TMTC4: variants seen among roughly 807,000 people sequenced by gnomAD.
TMTC4 encodes the protein transmembrane O-mannosyltransferase targeting cadherins 4.
Under a neutral mutation model 86.0 loss-of-function variants are expected in TMTC4, and 65 were observed. The ratio of observed to expected loss-of-function variants is 0.76; its 90% CI spans 0.62 to 0.93. The LOEUF (loss-of-function observed/expected upper bound fraction) is 0.93, where lower values mean the gene tolerates loss of function less well. TMTC4 is among the 40% of genes least tolerant of loss of function. The pLI, the probability that TMTC4 is intolerant of heterozygous loss-of-function variation, is 0.00. For missense variants in TMTC4, 866 were observed against 948.1 expected (o/e 0.91, Z 1.14); for synonymous variants, 379 against 382.5 (o/e 0.99, Z 0.11).
chr13:100,655,614 T>C (rs1972369), intron 6 of TMTC4, among the ~76,000 whole-genome samples: 107,151 of 152,010 alleles, frequency 0.7, 39,060 homozygotes, highest in East Asian at 0.99. Flanking sequence ...GGGGAGACCC[T>C]TACCCCAGGA....
At chr13:100,627,569 T>G (rs1037070567) in intron 12 of TMTC4, among the ~76,000 whole-genome samples, 1 of 152,184 alleles carries the variant, frequency 6.6e-6, no homozygotes, top group African/African-American at 2.4e-5. Flanking sequence ...TCTGTCTCCC[T>G]GTCTCTTCTC....
chr13:100,661,145 G>A (rs540163916), intron 5 of TMTC4, among the ~76,000 whole-genome samples: 2 of 152,318 alleles, frequency 1.3e-5, no homozygotes, highest in East Asian at 1.9e-4. Context: ...GAGGGGAAGA[G>A]AGAAAGAGGT....
At chr13:100,645,572 C>G (rs9513775) in intron 6 of TMTC4, among the ~76,000 whole-genome samples, 40,912 of 151,416 alleles carry the variant, frequency 0.27, 6,166 homozygotes, top group Admixed American at 0.38. Context: ...CCCCGTGCAC[C>G]TCTCCATGTC....
chr13:100,634,772 G>C (rs1441550714), intron 12 of TMTC4, 33 bp downstream of exon 12: 1 of 1,605,528 alleles, frequency 6.2e-7, no homozygotes, highest in East Asian at 2.2e-5. Context: ...ACCCTAGTAA[G>C]GTCCCTTTAA....
intron 16 of TMTC4, among the ~76,000 whole-genome samples, chr13:100,613,835 A>ACCCCCC (rs1566561935): frequency 1.0e-4 from 1 of 9,972 alleles, no homozygotes; most frequent in African/African-American, 4.1e-4. Flanking sequence ...TCTCCCCCCT[A>ACCCCCC]CCCGCCCCCC....
chr13:100,647,872 AC>A (rs1883953005), intron 6 of TMTC4, among the ~76,000 whole-genome samples: 1 of 152,202 alleles, frequency 6.6e-6, no homozygotes, highest in Non-Finnish European at 1.5e-5. Flanking sequence ...CAGAAAAATA[AC>A]AACTAGAAAA....
intron 1 of TMTC4, chr13:100,674,255 G>C (rs1398662270): frequency 3.1e-6 from 3 of 979,392 alleles, no homozygotes; most frequent in African/African-American, 1.8e-5. Flanking sequence ...CGCGGCGGGG[G>C]AGCCGCCGCG....
At chr13:100,615,877 G>A (rs1878403858) in intron 15 of TMTC4, among the ~76,000 whole-genome samples, 1 of 152,196 alleles carries the variant, frequency 6.6e-6, no homozygotes, top group South Asian at 2.1e-4. Flanking sequence ...GTACCCAATA[G>A]TTAGTGTTTC....
chr13:100,644,960 G>A (rs1883526881), intron 6 of TMTC4, among the ~76,000 whole-genome samples: 1 of 152,042 alleles, frequency 6.6e-6, no homozygotes, highest in African/African-American at 2.4e-5. Context: ...GACTACAGAT[G>A]CACGCTACCA....
At chr13:100,607,104 T>C (rs1876745899) in intron 17 of TMTC4, among the ~76,000 whole-genome samples, 1 of 152,226 alleles carries the variant, frequency 6.6e-6, no homozygotes, top group South Asian at 2.1e-4. Context: ...GATGGCTGGC[T>C]GGTCCCTTCT....
intron 5 of TMTC4, among the ~76,000 whole-genome samples, chr13:100,656,954 A>C (rs1885196190): frequency 6.6e-6 from 1 of 152,150 alleles, no homozygotes; most frequent in Non-Finnish European, 1.5e-5. Context: ...TCTTACAATC[A>C]GTTCTCTCCT....
At chr13:100,627,705 A>G (rs973986021) in intron 12 of TMTC4, among the ~76,000 whole-genome samples, 2 of 152,296 alleles carry the variant, frequency 1.3e-5, no homozygotes, top group African/African-American at 4.8e-5. Context: ...TATACATTAT[A>G]CTTCTAGGTC....
chr13:100,622,056 T>C (rs1365936279), intron 15 of TMTC4, among the ~76,000 whole-genome samples: 1 of 152,188 alleles, frequency 6.6e-6, no homozygotes, highest in Non-Finnish European at 1.5e-5. Context: ...TCTTCAGGTC[T>C]CACAGAGAAA....
At position 100,605,219 on chromosome 13, in the gene TMTC4, A is replaced by C; in HGVS notation, c.2135-77T>G. ...GTATTCCTACCCTCTTGGACAAAGA[A>C]ATATTACAGATCCTATGCAAACAGT... On this transcript the variant is annotated intron_variant, in intron 18 of 18. Coordinates refer to ENST00000342624, the MANE Select transcript of TMTC4 (RefSeq NM_032813.5). The surrounding 1 kb of genome is among the most constrained non-coding windows in gnomAD (Gnocchi z 4.3). The C allele has an allele frequency of 6.7e-7, 1 of 1,483,102 alleles. No individual in the cohort carries two copies. Among genetic ancestry groups the C allele is most frequent in the Non-Finnish European group, 9.1e-7 (1 of 1,101,030 alleles). The allele number at this position is 1,483,102 out of a possible 1,614,324, so 91.9% of individuals were successfully genotyped here. A position where few individuals can be genotyped will look rare whatever the true frequency, so the allele number is the denominator to read the frequency against.
intron 10 of TMTC4, 67 bp from the exon 11 acceptor site, chr13:100,635,262 A>C (rs1408393416): frequency 1.4e-6 from 2 of 1,420,932 alleles, no homozygotes; most frequent in Admixed American, 2.8e-5. Flanking sequence ...ATCCTACTCC[A>C]CATTAAATTA....
chr13:100,636,862 T>C, intron 9 of TMTC4, 128 bp from the exon 10 acceptor site: 1 of 939,672 alleles, frequency 1.1e-6, no homozygotes, highest in Non-Finnish European at 1.6e-6. Flanking sequence ...TCAAATAAAA[T>C]GTTGCCAACG....
In TMTC4 at chr13:100,656,542, C is replaced by CTTTTTTTTTTTTTT. The variant is rs35563246; in HGVS notation, c.553-88_553-75dup. 2.9e-3 allele frequency: 1,127 copies of CTTTTTTTTTTTTTT among 385,590 alleles called. 23 individuals carry two copies. Among genetic ancestry groups the CTTTTTTTTTTTTTT allele is most frequent in the South Asian group, 5.2e-3 (163 of 31,528 alleles). 23.9% of individuals were successfully genotyped at this position (385,590 alleles called of 1,614,324 possible). On this transcript the variant is annotated intron_variant, in intron 5 of 18. Transcript: ENST00000342624. Reference sequence around the variant, plus strand: ...GAAATCCTAAACTTAGGAGACATAACTTTTTTTTTTTTTTTTTTGCGACAG... The same window carrying CTTTTTTTTTTTTTT: ...GAAATCCTAAACTTAGGAGACATAACTTTTTTTTTTTTTTTTTTTTTTTTTTTTTTTTGCGACAG...
intron 1 of TMTC4, among the ~76,000 whole-genome samples, chr13:100,671,250 G>A (rs575768170): frequency 3.3e-5 from 5 of 152,118 alleles, no homozygotes; most frequent in East Asian, 1.9e-4. Flanking sequence ...CTCCTGCCTC[G>A]GTCTCCCAAG....
rs35563246 is a variant in TMTC4 at position 100,656,542 on chromosome 13, C to CTTTTTTTTTTTTTTTTTTT, written c.553-75_553-74insAAAAAAAAAAAAAAAAAAA. 9.9e-3 allele frequency: 3,809 copies of CTTTTTTTTTTTTTTTTTTT among 385,554 alleles called. 567 individuals are homozygous for CTTTTTTTTTTTTTTTTTTT. The highest frequency in any genetic ancestry group is 0.017 in the Admixed American group (251 of 14,768). The allele number at this position is 385,554 out of a possible 1,614,324, so 23.9% of individuals were successfully genotyped here. A position where few individuals can be genotyped will look rare whatever the true frequency, so the allele number is the denominator to read the frequency against. ...GAAATCCTAAACTTAGGAGACATAA[C>CTTTTTTTTTTTTTTTTTTT]TTTTTTTTTTTTTTTTTTGCGACAG... is the stretch of plus-strand genomic sequence containing the variant. On this transcript the variant is annotated intron_variant, in intron 5 of 18. Transcript: ENST00000342624.
Sources: allele counts gnomAD v4.1 joint callset (sites outside exome capture counted in the v4.1 genomes callset), GRCh38; gene constraint gnomAD v4.1.1; non-coding constraint Gnocchi (gnomAD v3.1); transcripts MANE v1.5; gene names NCBI Gene and HGNC (gene_info 2026-07-23, HGNC 2026-07-21).